The following ATXN2 variants were observed in gnomAD, a reference collection of about 807,000 sequenced individuals.
ATXN2 encodes the protein ataxin-2.
In ATXN2, 37 loss-of-function variants were observed where a neutral mutation model predicts 138.6. The ratio of observed to expected loss-of-function variants is 0.27; its 90% CI spans 0.21 to 0.35. The LOEUF is 0.35. Ranked by LOEUF, ATXN2 falls within the 10% of genes least tolerant of loss-of-function variation. The pLI is 1.00. For synonymous variants in ATXN2, 549 were observed against 543.7 expected (o/e 1.01, Z -0.13); for missense variants, 1,216 against 1,480.3 (o/e 0.82, Z 2.93).
At chr12:111,501,315 AAAAG>A (rs770508163) in intron 14 of ATXN2, among the ~76,000 whole-genome samples, 8 of 152,222 alleles carry the variant, frequency 5.3e-5, no homozygotes, top group Non-Finnish European at 1.2e-4. Context: ...CATCCTCTAC[AAAAG>A]AAAGAAAACA....
At position 111,470,121 on chromosome 12, in the gene ATXN2, C is replaced by G. The variant is rs78969161; in HGVS notation, c.2829G>C (p.Thr943=). 1.2e-6 allele frequency: 2 copies of G among 1,613,914 alleles called. No individual in the cohort carries two copies. Among genetic ancestry groups the G allele is most frequent in the South Asian group, 1.1e-5 (1 of 91,036 alleles). The change falls in exon 20 of 25, where the codon ACG becomes ACC. Residue 943 remains threonine (T), a synonymous_variant. Transcript: ENST00000673436. The stretch of plus-strand genomic sequence containing the variant: ...AGTGCTTCCTACCATACATCGCATG[C>G]GTCTGCTCATGAGCCCCGTACTGAG... ...SATQYGAHEQ[T]HAMYACPKLP...
intron 1 of ATXN2, among the ~76,000 whole-genome samples, chr12:111,596,319 AAT>A (rs1273318712): frequency 2.0e-5 from 3 of 151,792 alleles, no homozygotes; most frequent in African/African-American, 7.3e-5. Flanking sequence ...CACCTTCAAA[AAT>A]ATATATAACA....
Position 111,598,812 on chromosome 12 carries a change from A to G in ATXN2, c.223T>C (p.Ser75Pro), listed in dbSNP as rs1336963307. Residue 75 changes from serine (S) to proline (P), a missense_variant, in exon 1 of 25, where the codon TCC becomes CCC. By Grantham distance (74) the Ser-to-Pro change is moderately conservative. Around this residue, in one of 4 missense-constraint regions of ATXN2, gnomAD observed 401 missense variants for 528.1 expected, o/e 0.76. Coordinates refer to ENST00000673436, the MANE Select transcript of ATXN2 (RefSeq NM_001372574.1). This position sits in a 1 kb window ranked among gnomAD's most constrained non-coding sequence, Gnocchi z 4.5. The part of the protein sequence containing the change: ...TAPSSVVAAT[S>P]GGGRPGLGRG... ...CCCAGGCCGGGCCTCCCGCCGCCGGAGGTCGCCGCGACCACCGAGGAGGGA... is the reference window on the plus strand; with the variant it reads ...CCCAGGCCGGGCCTCCCGCCGCCGGGGGTCGCCGCGACCACCGAGGAGGGA... 10 of 1,407,752 alleles carry G rather than the reference A, an allele frequency of 7.1e-6. No homozygotes were observed. The highest frequency in any genetic ancestry group is 3.4e-5 in the Admixed American group (1 of 29,678). 87.2% of individuals were successfully genotyped at this position (1,407,752 alleles called of 1,614,324 possible). A position where few individuals can be genotyped will look rare whatever the true frequency, so the allele number is the denominator to read the frequency against.
rs751000311 is a variant in ATXN2 at position 111,513,518 on chromosome 12, T to C, written c.1397A>G (p.Lys466Arg). 3 of 1,613,036 alleles carry C rather than the reference T, an allele frequency of 1.9e-6. No homozygotes were observed. Among genetic ancestry groups the C allele is most frequent in the Non-Finnish European group, 1.7e-6 (2 of 1,179,640 alleles). ...GTGATTTCGAGGATGTCGCTGGGCC[T>C]TTGGGGACATCCTTGGAGGCCCTAA... Reference protein sequence around the residue: ...SSEGPPRMSPKAQRHPRNHRV... With the variant: ...SSEGPPRMSPRAQRHPRNHRV... The change falls in exon 11 of 25, where the codon AAG becomes AGG. Residue 466 changes from lysine to arginine, a missense_variant. By Grantham distance (26) the Lys-to-Arg change is conservative. Around this residue, in one of 4 missense-constraint regions of ATXN2, gnomAD observed 401 missense variants for 528.1 expected, o/e 0.76. Transcript: ENST00000673436.
At chr12:111,472,762 C>T (rs950680692) in intron 18 of ATXN2, among the ~76,000 whole-genome samples, 4 of 151,868 alleles carry the variant, frequency 2.6e-5, no homozygotes, top group Non-Finnish European at 4.4e-5. Flanking sequence ...TTAGTAGAGA[C>T]GGGGTTTCAC....
intron 5 of ATXN2, among the ~76,000 whole-genome samples, chr12:111,540,990 C>G (rs1270760625): frequency 6.7e-6 from 1 of 150,226 alleles, no homozygotes; most frequent in African/African-American, 2.4e-5. Context: ...AGCACCACAC[C>G]CGGCCTAAAT....
At chr12:111,500,046 A>G (rs552096972) in intron 14 of ATXN2, among the ~76,000 whole-genome samples, 62 of 152,374 alleles carry the variant, frequency 4.1e-4, no homozygotes, top group African/African-American at 1.4e-3. Context: ...TATGGAGAAC[A>G]GTATGGAAAT....
chr12:111,535,574 A>G (rs921145760), intron 5 of ATXN2, among the ~76,000 whole-genome samples: 6 of 152,108 alleles, frequency 3.9e-5, no homozygotes, highest in East Asian at 3.9e-4. Context: ...GTGAGCCAAG[A>G]TCGCGCCACT....
At position 111,510,581 on chromosome 12, in the gene ATXN2, A is replaced by G. The variant is rs745318650; in HGVS notation, c.1560T>C (p.Val520=). ...GGTWSSVVSG[V]PRLSPKTHRP... is the part of the protein sequence containing the mutation. Reference sequence around the variant, plus strand: ...TATGAGTTTTAGGGGATAATCTTGGAACTAGAAGAAAGGGAAAATGTATTT... The same window carrying G: ...TATGAGTTTTAGGGGATAATCTTGGGACTAGAAGAAAGGGAAAATGTATTT... The change falls in exon 12 of 25, where the codon GTT becomes GTC. Residue 520 remains valine, a splice_region_variant and synonymous_variant. Transcript: ENST00000673436. 10 of 1,601,024 alleles carry G rather than the reference A, an allele frequency of 6.2e-6. No individual in the cohort carries two copies. In the South Asian group the frequency reaches 1.0e-4, roughly 16 times the overall value.
chr12:111,478,460 AG>A (rs1322012130), intron 18 of ATXN2, among the ~76,000 whole-genome samples: 1 of 152,196 alleles, frequency 6.6e-6, no homozygotes, highest in East Asian at 1.9e-4. Context: ...TACTAAAAAA[AG>A]GTTGACAGCT....
intron 5 of ATXN2, among the ~76,000 whole-genome samples, chr12:111,548,924 T>C (rs749009443): frequency 2.0e-5 from 3 of 152,244 alleles, no homozygotes; most frequent in South Asian, 4.1e-4. Context: ...GGTTTCAACA[T>C]GTTGGCCAGG....
At chr12:111,476,269 T>C (rs1222699276) in intron 18 of ATXN2, among the ~76,000 whole-genome samples, 2 of 152,140 alleles carry the variant, frequency 1.3e-5, no homozygotes, top group African/African-American at 4.8e-5. Context: ...ATATACTTAG[T>C]AGATGATAAG....
At chr12:111,597,217 G>C (rs1190995686) in intron 1 of ATXN2, among the ~76,000 whole-genome samples, 1 of 152,198 alleles carries the variant, frequency 6.6e-6, no homozygotes, top group Non-Finnish European at 1.5e-5. Flanking sequence ...GAAGGCAGCA[G>C]AATTCCTTAA....
chr12:111,511,231 TATTTC>T (rs1566034161), intron 11 of ATXN2: 5 of 150,744 alleles, frequency 3.3e-5, no homozygotes, highest in African/African-American at 1.2e-4. Context: ...ATGGTTCGAT[TATTTC>T]ATTTCAGTGT....
chr12:111,599,394 C>G, upstream of ATXN2: 4 of 1,164,770 alleles, frequency 3.4e-6, no homozygotes, highest in Non-Finnish European at 4.2e-6. Flanking sequence ...CCACCGCCGC[C>G]CCGCCCGCTC....
At chr12:111,471,682 A>G (rs964518924) in intron 18 of ATXN2, 2 of 152,026 alleles carry the variant, frequency 1.3e-5, no homozygotes, top group African/African-American at 4.8e-5. Context: ...ATATTATTTT[A>G]TCTATGTAGG....
chr12:111,467,147 C>T (rs1876083431), intron 20 of ATXN2, among the ~76,000 whole-genome samples: 1 of 151,048 alleles, frequency 6.6e-6, no homozygotes, highest in African/African-American at 2.4e-5. Flanking sequence ...CTTATGTTTT[C>T]TTTTTTTTAA....
intron 18 of ATXN2, among the ~76,000 whole-genome samples, chr12:111,482,335 T>C (rs970559174): frequency 4.0e-5 from 6 of 151,830 alleles, no homozygotes; most frequent in African/African-American, 9.7e-5. Flanking sequence ...GCTGGGACTA[T>C]AGGCACCTGC....
intron 1 of ATXN2, among the ~76,000 whole-genome samples, chr12:111,584,145 A>G (rs10774630): frequency 0.98 from 148,073 of 151,792 alleles, 72,248 homozygotes; most frequent in East Asian, 1. Flanking sequence ...ATTTCTGGAC[A>G]CCAAGGTGGG....
Sources: gnomAD v4.1 joint callset for allele counts (sites outside exome capture counted in the v4.1 genomes callset) on GRCh38, gnomAD v4.1.1 for gene constraint, gnomAD v4.1.1 regional missense constraint, Gnocchi (gnomAD v3.1) non-coding constraint, MANE v1.5 for transcripts, NCBI Gene and HGNC (gene_info 2026-07-23, HGNC 2026-07-21) for gene names.